The following SLC24A3 variants were observed in gnomAD, a reference collection of about 807,000 sequenced individuals.
SLC24A3 encodes the protein solute carrier family 24 member 3.
A neutral mutation model predicts 75.8 loss-of-function variants in SLC24A3; 28 were observed. The ratio of observed to expected loss-of-function variants is 0.37; its 90% CI spans 0.27 to 0.51. SLC24A3 has a LOEUF of 0.51. Among genes scored for constraint, SLC24A3 ranks in the 20% least tolerant of loss-of-function variants. The pLI is 0.94. For missense variants in SLC24A3, 663 were observed against 847.8 expected (o/e 0.78, Z 2.71); for synonymous variants, 372 against 334.1 (o/e 1.11, Z -1.24).
At chr20:19,546,091 A>G (rs58333634) in intron 3 of SLC24A3, among the ~76,000 whole-genome samples, 77,592 of 145,002 alleles carry the variant, frequency 0.54, 20,710 homozygotes, top group African/African-American at 0.59. Flanking sequence ...CCCGGGAGGC[A>G]GAGCTTGCAG....
chr20:19,346,119 TGTGTGTATATATATATATG>T (rs1985399949), intron 2 of SLC24A3, among the ~76,000 whole-genome samples: 2 of 69,092 alleles, frequency 2.9e-5, no homozygotes, highest in African/African-American at 1.9e-4. Flanking sequence ...GGTGTGTGTG[TGTGTGTATATATATATATG>T]GTGTGTGTAT....
In SLC24A3 at chr20:19,349,697, G is replaced by A. The variant is rs191530727; in HGVS notation, c.271+68610G>A. ...AGTTGCCCACAGCAGTAACTGGCTT[G>A]ATAAATTACTTTGTTGACTCCTTTG... On this transcript the variant is annotated intron_variant, in intron 2 of 16. Coordinates refer to ENST00000328041, the MANE Select transcript of SLC24A3 (RefSeq NM_020689.4). 8.5e-4 allele frequency among the ~76,000 whole-genome samples: 130 copies of A among 152,298 alleles called. 1 individual carries two copies. The highest frequency in any genetic ancestry group is 1.5e-3 in the Non-Finnish European group (102 of 68,036).
At position 19,551,345 on chromosome 20, in the gene SLC24A3, TG is replaced by T. The variant is rs199673745; in HGVS notation, c.349-28653del. 6.0e-3 allele frequency among the ~76,000 whole-genome samples: 916 copies of T among 152,278 alleles called. 9 individuals carry two copies. The highest frequency in any genetic ancestry group is 0.021 in the African/African-American group (874 of 41,556). On this transcript the variant is annotated intron_variant, in intron 3 of 16. Transcript: ENST00000328041. Reference sequence around the variant, plus strand: ...GATAAGGTCTACTATGGTATGATTATGGAGGTGAGTGAGGTTGGATGGACAA... The same window carrying T: ...GATAAGGTCTACTATGGTATGATTATGAGGTGAGTGAGGTTGGATGGACAA...
chr20:19,214,532 A>G (rs559100516), intron 1 of SLC24A3, among the ~76,000 whole-genome samples: 88 of 152,252 alleles, frequency 5.8e-4, no homozygotes, highest in African/African-American at 2.1e-3. Flanking sequence ...TTTTTCTGGT[A>G]TGTTGGGGCT....
chr20:19,331,769 A>T (rs1247786339), intron 2 of SLC24A3, among the ~76,000 whole-genome samples: 1 of 152,116 alleles, frequency 6.6e-6, no homozygotes, highest in Non-Finnish European at 1.5e-5. Flanking sequence ...CTTCCATTCT[A>T]GGGGGAGGTG....
intron 1 of SLC24A3, among the ~76,000 whole-genome samples, chr20:19,249,762 A>G (rs913738627): frequency 6.6e-5 from 10 of 152,228 alleles, no homozygotes; most frequent in African/African-American, 1.9e-4. Context: ...GTCATGGATC[A>G]TGGTGCACAT....
intron 2 of SLC24A3, among the ~76,000 whole-genome samples, chr20:19,418,487 G>T (rs1443063211): frequency 3.3e-5 from 5 of 151,868 alleles, no homozygotes; most frequent in African/African-American, 7.3e-5. Context: ...TTAGAGGACT[G>T]GTCTGTGCAA....
At chr20:19,647,098 G>A (rs1201122682) in intron 6 of SLC24A3, among the ~76,000 whole-genome samples, 1 of 152,054 alleles carries the variant, frequency 6.6e-6, no homozygotes, top group Non-Finnish European at 1.5e-5. Flanking sequence ...CCTAGGTGCA[G>A]CTCTCAACCA....
chr20:19,250,988 A>G (rs1982637286), intron 1 of SLC24A3, among the ~76,000 whole-genome samples: 1 of 152,248 alleles, frequency 6.6e-6, no homozygotes, highest in Non-Finnish European at 1.5e-5. Flanking sequence ...GTCCCATTCC[A>G]AAATCATTAT....
In SLC24A3 at chr20:19,406,338, T is replaced by C. The variant is rs376786679; in HGVS notation, c.272-109150T>C. ...TTTTTGTATGTATATATGAAGGCAATTGTGAAATTATAGAGAATTAGCAAA... is the reference window on the plus strand; with the variant it reads ...TTTTTGTATGTATATATGAAGGCAACTGTGAAATTATAGAGAATTAGCAAA... On this transcript the variant is annotated intron_variant, in intron 2 of 16. Transcript: ENST00000328041. Among the ~76,000 whole-genome samples the C allele has an allele frequency of 3.9e-5, 6 of 152,206 alleles. No homozygotes were observed. In the East Asian group the frequency reaches 7.7e-4, roughly 20 times the overall value.
At chr20:19,687,303 C>T (rs926086708) in intron 12 of SLC24A3, among the ~76,000 whole-genome samples, 3 of 152,188 alleles carry the variant, frequency 2.0e-5, no homozygotes, top group African/African-American at 7.2e-5. Context: ...TGGAGCTCTT[C>T]CCGCCATCAT....
chr20:19,431,825 A>C (rs1382935632), intron 2 of SLC24A3, among the ~76,000 whole-genome samples: 1 of 152,154 alleles, frequency 6.6e-6, no homozygotes, highest in Non-Finnish European at 1.5e-5. Flanking sequence ...GGCAACACAG[A>C]GGCATGGCTG....
At chr20:19,338,280 G>T (rs1985184337) in intron 2 of SLC24A3, among the ~76,000 whole-genome samples, 1 of 152,182 alleles carries the variant, frequency 6.6e-6, no homozygotes, top group Non-Finnish European at 1.5e-5. Flanking sequence ...GTTAATTTGG[G>T]TCCTGCCTCC....
At chr20:19,529,832 T>C (rs2030264439) in intron 3 of SLC24A3, among the ~76,000 whole-genome samples, 1 of 152,234 alleles carries the variant, frequency 6.6e-6, no homozygotes, top group Non-Finnish European at 1.5e-5. Context: ...TGCTTGCGTG[T>C]GAACCCTCAC....
intron 2 of SLC24A3, among the ~76,000 whole-genome samples, chr20:19,372,599 A>G (rs948721702): frequency 6.6e-6 from 1 of 152,202 alleles, no homozygotes; most frequent in Non-Finnish European, 1.5e-5. Context: ...GGAACAAATC[A>G]ACAAACAGAC....
chr20:19,276,206 A>G (rs1287849129), intron 1 of SLC24A3, among the ~76,000 whole-genome samples: 2 of 152,112 alleles, frequency 1.3e-5, no homozygotes, highest in African/African-American at 4.8e-5. Flanking sequence ...GTGCAAGAAG[A>G]TAGCCCTCCA....
chr20:19,606,482 A>C (rs1003689754), intron 6 of SLC24A3, among the ~76,000 whole-genome samples: 1 of 152,210 alleles, frequency 6.6e-6, no homozygotes, highest in African/African-American at 2.4e-5. Flanking sequence ...GGGGATTTTA[A>C]GCTCCAGTAA....
intron 2 of SLC24A3, among the ~76,000 whole-genome samples, chr20:19,510,976 T>C (rs577823964): frequency 1.0e-3 from 153 of 152,350 alleles, no homozygotes; most frequent in African/African-American, 3.6e-3. Context: ...AGTGCAGGGC[T>C]GAGCAGAAGT....
chr20:19,641,213 G>T (rs1475638356), intron 6 of SLC24A3, among the ~76,000 whole-genome samples: 1 of 152,010 alleles, frequency 6.6e-6, no homozygotes, highest in Non-Finnish European at 1.5e-5. Context: ...TACTAAGGAA[G>T]CCCTGGCCTC....
Sources: allele counts gnomAD v4.1 joint callset (sites outside exome capture counted in the v4.1 genomes callset), GRCh38; gene constraint gnomAD v4.1.1; transcripts MANE v1.5; gene names NCBI Gene and HGNC (gene_info 2026-07-23, HGNC 2026-07-21).